INSYN2B: variants seen among roughly 807,000 people sequenced by gnomAD.
INSYN2B encodes the protein inhibitory synaptic factor family member 2B, also known as protein INSYN2B.
In INSYN2B, 16 loss-of-function variants were observed where a neutral mutation model predicts 41.2. The observed-to-expected ratio is 0.39, with a 90% CI of 0.26 to 0.59. The LOEUF is 0.59. INSYN2B is among the 20% of genes least tolerant of loss of function. INSYN2B has a pLI of 0.57. For missense variants in INSYN2B, 608 were observed against 646.4 expected (o/e 0.94, Z 0.64); for synonymous variants, 245 against 244.4 (o/e 1.00, Z -0.02).
intron 1 of INSYN2B, among the ~76,000 whole-genome samples, chr5:169,930,203 G>A (rs920439396): frequency 6.6e-6 from 1 of 152,114 alleles, no homozygotes; most frequent in Admixed American, 6.5e-5. Flanking sequence ...TGTTGGCTAG[G>A]ATGGTCTCAA....
chr5:169,889,464 A>G (rs1773162649), intron 1 of INSYN2B, among the ~76,000 whole-genome samples: 1 of 152,230 alleles, frequency 6.6e-6, no homozygotes, highest in Non-Finnish European at 1.5e-5. Flanking sequence ...TGCCAACCTC[A>G]TATGGAATCT....
chr5:169,896,854 A>G (rs1449101586), intron 1 of INSYN2B, among the ~76,000 whole-genome samples: 1 of 151,866 alleles, frequency 6.6e-6, no homozygotes, highest in Non-Finnish European at 1.5e-5. Flanking sequence ...CCATAGAACT[A>G]AAAGCAATTA....
chr5:169,928,900 G>A (rs1258393383), intron 1 of INSYN2B, among the ~76,000 whole-genome samples: 1 of 152,196 alleles, frequency 6.6e-6, no homozygotes, highest in Non-Finnish European at 1.5e-5. Flanking sequence ...TTCTGTTCCT[G>A]CTTGAATAGT....
chr5:169,954,595 A>G (rs543161284), intron 1 of INSYN2B, among the ~76,000 whole-genome samples: 10 of 152,346 alleles, frequency 6.6e-5, no homozygotes, highest in African/African-American at 2.4e-4. Context: ...CTGTTCTTCT[A>G]TTTTATGAAA....
chr5:169,915,781 A>T (rs1370387797), intron 1 of INSYN2B, among the ~76,000 whole-genome samples: 2 of 152,198 alleles, frequency 1.3e-5, no homozygotes, highest in Non-Finnish European at 2.9e-5. Context: ...AAGAGTCTAC[A>T]TATGGAAATC....
At chr5:169,880,573 A>G (rs1373259831) in intron 3 of INSYN2B, among the ~76,000 whole-genome samples, 1 of 152,232 alleles carries the variant, frequency 6.6e-6, no homozygotes, top group Non-Finnish European at 1.5e-5. Flanking sequence ...GCTTCCAGCT[A>G]AGGGGGCATT....
Position 169,883,662 on chromosome 5 carries a change from G to A in INSYN2B, c.237C>T (p.Tyr79=). 1.3e-6 allele frequency: 2 copies of A among 1,551,108 alleles called. No individual in the cohort carries two copies. The highest frequency in any genetic ancestry group is 1.7e-6 in the Non-Finnish European group (2 of 1,146,652). Residue 79 remains tyrosine (Y), a synonymous_variant, in exon 2 of 4, where the codon TAC becomes TAT. Coordinates refer to ENST00000377365, the MANE Select transcript of INSYN2B (RefSeq NM_001129891.3). The stretch of plus-strand genomic sequence containing the variant: ...TCTGGGACCTGGGGAAGGAGAGCGA[G>A]TAGGTGGGGGGAAGATGGTGCCTGG... The part of the protein sequence containing the change: ...QATRHHLPPT[Y]SLSFPRSQKA...
chr5:169,926,924 G>C (rs375492940), intron 1 of INSYN2B, among the ~76,000 whole-genome samples: 12 of 152,218 alleles, frequency 7.9e-5, no homozygotes, highest in Non-Finnish European at 1.3e-4. Context: ...ACAAGGAGCA[G>C]AATAGGGAAG....
In INSYN2B at chr5:169,861,429, G is replaced by A. The variant is rs936920186; in HGVS notation, c.*2844C>T. On this transcript the variant is annotated 3_prime_UTR_variant, in exon 4 of 4. Coordinates refer to ENST00000377365, the MANE Select transcript of INSYN2B (RefSeq NM_001129891.3). ...TGCTCTATAGATGAGCTGGTATTAA[G>A]TTCCAAGGATAGTGAGTATGCATTT... Among the ~76,000 whole-genome samples the A allele has an allele frequency of 6.6e-6, 1 of 152,236 alleles. No homozygotes were observed. The highest frequency in any genetic ancestry group is 2.4e-5 in the African/African-American group (1 of 41,462).
intron 1 of INSYN2B, among the ~76,000 whole-genome samples, chr5:169,886,962 G>A (rs371757445): frequency 6.6e-5 from 10 of 152,134 alleles, no homozygotes; most frequent in East Asian, 1.9e-4. Context: ...TATGACACTC[G>A]TAGAGGCAGG....
chr5:169,959,564 T>A (rs2113741784), intron 1 of INSYN2B, among the ~76,000 whole-genome samples: 1 of 152,262 alleles, frequency 6.6e-6, no homozygotes, highest in East Asian at 1.9e-4. Context: ...GAGATTTCTC[T>A]CTCTTTGGAA....
At chr5:169,919,122 G>A (rs1581415882) in intron 1 of INSYN2B, among the ~76,000 whole-genome samples, 1 of 152,122 alleles carries the variant, frequency 6.6e-6, no homozygotes, top group Non-Finnish European at 1.5e-5. Flanking sequence ...TTGTGGAATT[G>A]ATCATTTATT....
chr5:169,900,366 G>T (rs1773853043), intron 1 of INSYN2B, among the ~76,000 whole-genome samples: 1 of 152,172 alleles, frequency 6.6e-6, no homozygotes, highest in Non-Finnish European at 1.5e-5. Context: ...AGGTTCAAAG[G>T]TGTGCCTTGA....
rs1188503953 is a variant in INSYN2B at position 169,861,716 on chromosome 5, A to G, written c.*2557T>C. On this transcript the variant is annotated 3_prime_UTR_variant, in exon 4 of 4. Coordinates refer to ENST00000377365, the MANE Select transcript of INSYN2B (RefSeq NM_001129891.3). ...TATATGTGTGTGTGGTGTTTTAAAC[A>G]TAGAGACGACCATTTTTGTTCATCA... 6.6e-6 allele frequency among the ~76,000 whole-genome samples: 1 copy of G among 152,192 alleles called. No individual in the cohort carries two copies. Among genetic ancestry groups the G allele is most frequent in the Non-Finnish European group, 1.5e-5 (1 of 68,028 alleles).
At chr5:169,972,586 T>TAGATAGATAGATGATA (rs1554122913) in intron 1 of INSYN2B, among the ~76,000 whole-genome samples, 29 of 69,030 alleles carry the variant, frequency 4.2e-4, no homozygotes, top group Non-Finnish European at 6.7e-4. Context: ...GATAGATAGA[T>TAGATAGATAGATGATA]GATAGATAGA....
At position 169,944,825 on chromosome 5, in the gene INSYN2B, G is replaced by A. The variant is rs917485200; in HGVS notation, c.-919+35452C>T. ...AAAGCTGAACGGTTTCTGACCATGG[G>A]AACAGCCTTCCTCCTCCATCTGCCT... On this transcript the variant is annotated intron_variant, in intron 1 of 3. Transcript: ENST00000377365. Among the ~76,000 whole-genome samples the A allele has an allele frequency of 2.0e-5, 3 of 152,186 alleles. No homozygotes were observed. In the South Asian group the frequency reaches 6.2e-4, roughly 31 times the overall value.
chr5:169,909,764 A>G (rs527721630), intron 1 of INSYN2B, among the ~76,000 whole-genome samples: 1 of 152,330 alleles, frequency 6.6e-6, no homozygotes, highest in South Asian at 2.1e-4. Context: ...ATAAAATACA[A>G]TCCAAGATGA....
intron 1 of INSYN2B, among the ~76,000 whole-genome samples, chr5:169,978,906 C>T (rs1022629711): frequency 1.3e-5 from 2 of 152,112 alleles, no homozygotes; most frequent in African/African-American, 4.8e-5. Context: ...TTAAACCATC[C>T]CAATCGGAGC....
chr5:169,882,446 A>C, intron 2 of INSYN2B, 107 bp downstream of exon 2: 1 of 949,152 alleles, frequency 1.1e-6, no homozygotes, highest in Non-Finnish European at 1.6e-6. Context: ...CAGTGCTTCA[A>C]ACATTTTGGA....
Sources: gnomAD v4.1 joint callset for allele counts (sites outside exome capture counted in the v4.1 genomes callset) on GRCh38, gnomAD v4.1.1 for gene constraint, MANE v1.5 for transcripts, NCBI Gene and HGNC (gene_info 2026-07-23, HGNC 2026-07-21) for gene names.